Variants in TDRD12 observed in about 807,000 individuals in gnomAD.
TDRD12 encodes tudor domain containing 12.
Under a neutral mutation model 133.5 loss-of-function variants are expected in TDRD12, and 158 were observed. That is an observed-to-expected ratio of 1.18 (90% CI 1.04 to 1.35). The LOEUF (loss-of-function observed/expected upper bound fraction) is 1.35. Ranked by LOEUF, TDRD12 falls within the 40% of genes most tolerant of loss-of-function variation. TDRD12 has a pLI of 0.00. For synonymous variants in TDRD12, 460 were observed against 477.9 expected, an observed-to-expected ratio of 0.96 and a Z score of 0.49; for missense variants, 1,443 against 1,321.3, an observed-to-expected ratio of 1.09 and a Z score of -1.43.
rs75414102 is a variant in TDRD12 at position 32,811,518 on chromosome 19, G to A, written c.3048+98G>A. On this transcript the variant is annotated intron_variant, in intron 24 of 27. Coordinates refer to ENST00000444215, the Ensembl canonical transcript of TDRD12. ...GGCCTGTCTGGATTTACAGTGTCAC[G>A]TTTGGGCAGGGAAAGTGCAGTCTGC... 6,064 of 1,183,938 alleles carry A rather than the reference G, an allele frequency of 5.1e-3. 201 individuals are homozygous for A. In the East Asian group the frequency reaches 0.094, roughly 18 times the overall value. The allele number at this position is 1,183,938 out of a possible 1,614,324, so 73.3% of individuals were successfully genotyped here.
At chr19:32,761,371 C>T (rs1190499343) in intron 8 of TDRD12, among the ~76,000 whole-genome samples, 1 of 152,096 alleles carries the variant, frequency 6.6e-6, no homozygotes. Flanking sequence ...ACCTCGTGAT[C>T]CGCCCGCCTC....
intron 13 of TDRD12, among the ~76,000 whole-genome samples, chr19:32,793,698 G>A (rs572175639): frequency 7.9e-5 from 12 of 152,224 alleles, no homozygotes; most frequent in African/African-American, 2.9e-4. Context: ...AGGAGAATGA[G>A]GAGGAAAAGC....
chr19:32,822,023 A>G (rs915897587), downstream of TDRD12, among the ~76,000 whole-genome samples: 12 of 152,156 alleles, frequency 7.9e-5, no homozygotes, highest in African/African-American at 2.9e-4. Context: ...CAAGAGGCTA[A>G]GGTGGGAGGA....
intron 4 of TDRD12, among the ~76,000 whole-genome samples, chr19:32,746,491 G>T (rs1487043742): frequency 1.0e-5 from 1 of 98,926 alleles, no homozygotes; most frequent in Non-Finnish European, 2.0e-5. Context: ...TGACAGAGAG[G>T]GGGAGAGAGA....
At chr19:32,777,849 ATATATATATTTTTTTTTTTTTTTTT>A (rs1970647977) in intron 11 of TDRD12, among the ~76,000 whole-genome samples, 2 of 14,520 alleles carry the variant, frequency 1.4e-4, no homozygotes, top group Non-Finnish European at 2.3e-4. Flanking sequence ...ATATATATAT[ATATATATATTTTTTTTTTTTTTTTT>A]TTTTTTTTTT....
At chr19:32,804,344 T>C (rs1971482367) in intron 21 of TDRD12, among the ~76,000 whole-genome samples, 1 of 150,214 alleles carries the variant, frequency 6.7e-6, no homozygotes, top group African/African-American at 2.4e-5. Context: ...AGTGCTGAGA[T>C]TACAGGCGTG....
chr19:32,802,150 C>CAT (rs373893635), intron 19 of TDRD12, among the ~76,000 whole-genome samples: 11 of 138,586 alleles, frequency 7.9e-5, no homozygotes, highest in East Asian at 2.1e-4. Flanking sequence ...TATATATTAT[C>CAT]ATATATATAT....
intron 13 of TDRD12, among the ~76,000 whole-genome samples, chr19:32,793,249 T>G (rs1971122751): frequency 1.3e-5 from 2 of 152,092 alleles, no homozygotes; most frequent in Admixed American, 6.5e-5. Context: ...AGGTCCTTAC[T>G]CAAACTGTGG....
intron 6 of TDRD12, among the ~76,000 whole-genome samples, chr19:32,753,935 A>C (rs970229496): frequency 1.3e-5 from 2 of 151,330 alleles, no homozygotes; most frequent in Non-Finnish European, 2.9e-5. Flanking sequence ...GCTAACCCAC[A>C]CTCCTGTGAA....
At chr19:32,776,468 T>A (rs896935088) in intron 10 of TDRD12, among the ~76,000 whole-genome samples, 1 of 152,172 alleles carries the variant, frequency 6.6e-6, no homozygotes, top group Non-Finnish European at 1.5e-5. Context: ...CCACACTTTC[T>A]GGTTTAAAGG....
chr19:32,798,334 A>G (rs1971290117), exon 16 of TDRD12: 8 of 1,535,726 alleles, frequency 5.2e-6, no homozygotes, highest in Non-Finnish European at 6.1e-6. Flanking sequence ...GACCCCATAC[A>G]GCCTGCTGAG....
chr19:32,750,880 C>A (rs1429619130), intron 6 of TDRD12, among the ~76,000 whole-genome samples: 1 of 152,204 alleles, frequency 6.6e-6, no homozygotes, highest in Non-Finnish European at 1.5e-5. Context: ...ATACTGTGCC[C>A]TTCTCAGTGC....
At chr19:32,729,778 C>CTTTTTTTTTTTTTTTT (rs1162347194) in intron 1 of TDRD12, among the ~76,000 whole-genome samples, 28 of 73,684 alleles carry the variant, frequency 3.8e-4, no homozygotes, top group East Asian at 1.1e-3. Context: ...TTTTCTTTTT[C>CTTTTTTTTTTTTTTTT]TTTTTTTTTT....
intron 19 of TDRD12, among the ~76,000 whole-genome samples, chr19:32,802,349 A>T (rs1489267463): frequency 6.6e-6 from 1 of 151,208 alleles, no homozygotes; most frequent in Non-Finnish European, 1.5e-5. Context: ...ATATATAGTC[A>T]TGCATGATTG....
At chr19:32,802,753 C>T in exon 20 of TDRD12, 2 of 1,536,658 alleles carry the variant, frequency 1.3e-6, no homozygotes, top group Non-Finnish European at 1.7e-6. Flanking sequence ...TTGGTGGACG[C>T]CTGTATTGCA....
intron 8 of TDRD12, among the ~76,000 whole-genome samples, chr19:32,761,186 G>T (rs1294397236): frequency 6.6e-6 from 1 of 152,134 alleles, no homozygotes; most frequent in Non-Finnish European, 1.5e-5. Context: ...GCACATCTCA[G>T]CTCACTGCAA....
At chr19:32,827,269 G>A (rs1293271342) in exon 10 of TDRD12, 38 of 1,231,324 alleles carry the variant, frequency 3.1e-5, no homozygotes, top group Non-Finnish European at 3.3e-5. Flanking sequence ...GGTGAATGAC[G>A]TCCTCAAGAG....
chr19:32,773,452 A>G lies in TDRD12; in HGVS notation c.964-4A>G. 1 of 1,551,662 alleles carries G rather than the reference A, an allele frequency of 6.4e-7. No homozygotes were observed. The highest frequency in any genetic ancestry group is 8.7e-7 in the Non-Finnish European group (1 of 1,146,900). ...TCTTTCTGAAGAAAAGTTTTCTTTT[A>G]CAGCGTGTTGAATCCTCAGTGTACT... On this transcript the variant is annotated splice_region_variant and splice_polypyrimidine_tract_variant and intron_variant, in intron 9 of 27. Transcript: ENST00000444215.
chr19:32,745,608 T>C (rs972952992), intron 4 of TDRD12, among the ~76,000 whole-genome samples: 2 of 152,192 alleles, frequency 1.3e-5, no homozygotes, highest in African/African-American at 4.8e-5. Flanking sequence ...ATTCATGTGA[T>C]TATTGTGTAT....
Sources: allele counts gnomAD v4.1 joint callset (sites outside exome capture counted in the v4.1 genomes callset), GRCh38; gene constraint gnomAD v4.1.1; transcripts MANE v1.5; gene names NCBI Gene and HGNC (gene_info 2026-07-23, HGNC 2026-07-21).